The following TRPC1 variants were observed in gnomAD, a reference collection of about 807,000 sequenced individuals.
TRPC1 encodes transient receptor potential cation channel subfamily C member 1, also known as short transient receptor potential channel 1.
In TRPC1, 42 loss-of-function variants were observed where a neutral mutation model predicts 88.2. That is an observed-to-expected ratio of 0.48 (90% confidence interval 0.37 to 0.62). The LOEUF is 0.62. Among genes scored for constraint, TRPC1 ranks in the 20% least tolerant of loss-of-function variants. The probability of loss-of-function intolerance (pLI) is 0.00; values close to 1 mark genes in which losing one functional copy is unlikely to be tolerated. For missense variants in TRPC1, 699 were observed against 957.3 expected, an observed-to-expected ratio of 0.73 and a Z score of 3.56; for synonymous variants, 288 against 331.8, an observed-to-expected ratio of 0.87 and a Z score of 1.43.
intron 2 of TRPC1, among the ~76,000 whole-genome samples, chr3:142,739,074 C>T (rs540941835): frequency 1.4e-4 from 22 of 152,082 alleles, no homozygotes; most frequent in Non-Finnish European, 2.5e-4. Context: ...TGGGTTCAAG[C>T]GATTCTCCTG....
intron 1 of TRPC1, among the ~76,000 whole-genome samples, chr3:142,731,649 G>A (rs1933920901): frequency 1.3e-5 from 2 of 152,050 alleles, no homozygotes; most frequent in Admixed American, 1.3e-4. Context: ...CTCCCAAAGT[G>A]CTGGGATTAC....
intron 9 of TRPC1, chr3:142,793,840 G>C (rs560634220): frequency 1.3e-5 from 13 of 984,148 alleles, no homozygotes; most frequent in Non-Finnish European, 1.6e-5. Flanking sequence ...CTCCAAACAG[G>C]GATATGAAAA....
chr3:142,761,403 C>A (rs2108074444), intron 4 of TRPC1, among the ~76,000 whole-genome samples: 1 of 152,308 alleles, frequency 6.6e-6, no homozygotes, highest in Non-Finnish European at 1.5e-5. Flanking sequence ...ATCATTCTTG[C>A]ATCTCTGGGA....
At chr3:142,793,594 T>C (rs1389374450) in intron 9 of TRPC1, among the ~76,000 whole-genome samples, 1 of 152,070 alleles carries the variant, frequency 6.6e-6, no homozygotes, top group Non-Finnish European at 1.5e-5. Context: ...CAAGACTAAA[T>C]TCTCAGTCTC....
intron 1 of TRPC1, among the ~76,000 whole-genome samples, chr3:142,733,959 G>C (rs62278498): frequency 0.14 from 21,946 of 152,164 alleles, 1,994 homozygotes; most frequent in Middle Eastern, 0.24. Context: ...CAGGTTACAA[G>C]GCCTGGAGAC....
chr3:142,729,462 C>G (rs1437554940), intron 1 of TRPC1, among the ~76,000 whole-genome samples: 1 of 152,060 alleles, frequency 6.6e-6, no homozygotes, highest in East Asian at 1.9e-4. Context: ...ATATATCTGT[C>G]TGAAGGGAAG....
At chr3:142,748,527 G>C in intron 4 of TRPC1, 67 bp downstream of exon 4, 2 of 1,539,442 alleles carry the variant, frequency 1.3e-6, no homozygotes, top group Non-Finnish European at 1.8e-6. Context: ...TTTTAAAATT[G>C]GTATTCTTTC....
In TRPC1 at chr3:142,802,243, A is replaced by G; in HGVS notation, c.1656A>G (p.Thr552=). Residue 552 remains threonine (T), a synonymous_variant, in exon 10 of 13, where the codon ACA becomes ACG. Coordinates refer to ENST00000476941, the MANE Select transcript of TRPC1 (RefSeq NM_001251845.2). The part of the protein sequence containing the change: ...GMFLLVLFSF[T]IGLTQLYDKG... ...TTCTTCTTGTTTTGTTTTCTTTCAC[A>G]ATTGGACTGACACAACTGTATGATA... 6.2e-7 allele frequency: 1 copy of G among 1,600,020 alleles called. No homozygotes were observed. The highest frequency in any genetic ancestry group is 1.7e-5 in the Admixed American group (1 of 57,698).
rs1172179801 is a variant in TRPC1 at position 142,738,031 on chromosome 3, TAC to T, written c.327+1502_327+1503del. ...CTATGGTATTATAATTTTGTCTTTT[TAC>T]ACATGGTTATATACATGTAATGGTT... On this transcript the variant is annotated intron_variant, in intron 2 of 12. Coordinates refer to ENST00000476941, the MANE Select transcript of TRPC1 (RefSeq NM_001251845.2). 2.0e-5 allele frequency among the ~76,000 whole-genome samples: 3 copies of T among 152,364 alleles called. No homozygotes were observed. In the East Asian group the frequency reaches 5.8e-4, roughly 29 times the overall value.
chr3:142,765,279 G>T (rs943826190), intron 4 of TRPC1, among the ~76,000 whole-genome samples: 2 of 152,020 alleles, frequency 1.3e-5, no homozygotes, highest in African/African-American at 4.8e-5. Context: ...TGCTATTCTC[G>T]TCAAACTACC....
At chr3:142,758,518 G>T (rs1469424504) in intron 4 of TRPC1, among the ~76,000 whole-genome samples, 1 of 152,000 alleles carries the variant, frequency 6.6e-6, no homozygotes, top group East Asian at 1.9e-4. Context: ...AGTTGTTTGA[G>T]CTCCTTACAT....
chr3:142,730,719 G>GATC (rs34680867), intron 1 of TRPC1, among the ~76,000 whole-genome samples: 66,815 of 150,870 alleles, frequency 0.44, 15,386 homozygotes, highest in African/African-American at 0.58. Context: ...AACTGAACTT[G>GATC]ATCATGTCTT....
intron 12 of TRPC1, among the ~76,000 whole-genome samples, chr3:142,805,790 T>C (rs1199459515): frequency 2.6e-5 from 4 of 152,168 alleles, no homozygotes; most frequent in Non-Finnish European, 5.9e-5. Context: ...CTAAGACTAA[T>C]TTTTTTCAAT....
rs772291831 is a variant in TRPC1 at position 142,724,626 on chromosome 3, C to T, written c.67C>T (p.Pro23Ser). 6.2e-7 allele frequency: 1 copy of T among 1,612,356 alleles called. No homozygotes were observed. The highest frequency in any genetic ancestry group is 8.5e-7 in the Non-Finnish European group (1 of 1,179,434). Reference protein sequence around the residue: ...GASSSSLPSSPSSSSPNEVMA... With the variant: ...GASSSSLPSSSSSSSPNEVMA... The stretch of plus-strand genomic sequence containing the variant: ...CTCCTCCTCCTCCCTGCCTTCCTCT[C>T]CATCCTCTTCCTCGCCGAACGAGGT... The change falls in exon 1 of 13, where the codon CCA becomes TCA. Residue 23 changes from proline (P) to serine (S), a missense_variant. By Grantham distance (74) the Pro-to-Ser change is moderately conservative. Around this residue, in one of 4 missense-constraint regions of TRPC1, gnomAD observed 157 missense variants for 127.0 expected, o/e 1.24. Transcript: ENST00000476941. This position sits in a 1 kb window ranked among gnomAD's most constrained non-coding sequence, Gnocchi z 5.6.
intron 9 of TRPC1, chr3:142,801,267 C>T (rs944140498): frequency 9.2e-5 from 14 of 151,490 alleles, no homozygotes; most frequent in African/African-American, 3.4e-4. Flanking sequence ...GGGAAAGTCC[C>T]CCCCAAAAAA....
At chr3:142,775,727 T>C (rs994951576) in intron 4 of TRPC1, among the ~76,000 whole-genome samples, 1 of 152,004 alleles carries the variant, frequency 6.6e-6, no homozygotes, top group Non-Finnish European at 1.5e-5. Flanking sequence ...TTACAAAAAA[T>C]GGGCCAAAGA....
chr3:142,806,202 T>A lies in TRPC1; in HGVS notation c.2349T>A (p.Thr783=), dbSNP rs1240170419. The A allele has an allele frequency of 6.2e-7, 1 of 1,612,416 alleles. No individual in the cohort carries two copies. The highest frequency in any genetic ancestry group is 1.3e-5 in the African/African-American group (1 of 75,032). The change falls in exon 13 of 13, where the codon ACT becomes ACA. Residue 783 remains threonine (T), a synonymous_variant. Transcript: ENST00000476941. ...NEIRDLLGFR[T]SKYAMFYPRN is the part of the protein sequence containing the mutation. ...TAAGGGATTTACTTGGCTTTCGGACTTCTAAATATGCTATGTTTTATCCAA... is the reference window on the plus strand; with the variant it reads ...TAAGGGATTTACTTGGCTTTCGGACATCTAAATATGCTATGTTTTATCCAA...
chr3:142,735,403 T>C (rs1360447655), intron 1 of TRPC1, among the ~76,000 whole-genome samples: 1 of 152,240 alleles, frequency 6.6e-6, no homozygotes, highest in African/African-American at 2.4e-5. Flanking sequence ...AGACTTCTAA[T>C]GAGCAACTGT....
Position 142,726,898 on chromosome 3 carries a change from C to A in TRPC1, c.172+2167C>A, listed in dbSNP as rs116833391. ...AGAGGATTTCATTTAAACCCCACAACCCCATGAGCCAGATCTGTTGTTGTC... is the reference window on the plus strand; with the variant it reads ...AGAGGATTTCATTTAAACCCCACAAACCCATGAGCCAGATCTGTTGTTGTC... On this transcript the variant is annotated intron_variant, in intron 1 of 12. Transcript: ENST00000476941. Among the ~76,000 whole-genome samples the A allele has an allele frequency of 9.4e-3, 1,428 of 152,286 alleles. 30 individuals carry two copies. The highest frequency in any genetic ancestry group is 0.033 in the African/African-American group (1,366 of 41,560).
Sources: allele counts gnomAD v4.1 joint callset (sites outside exome capture counted in the v4.1 genomes callset), GRCh38; gene constraint gnomAD v4.1.1; regional missense constraint gnomAD v4.1.1; non-coding constraint Gnocchi (gnomAD v3.1); transcripts MANE v1.5; gene names NCBI Gene and HGNC (gene_info 2026-07-23, HGNC 2026-07-21).